The following C17orf113 variants were observed in gnomAD, a reference collection of about 807,000 sequenced individuals.
The protein encoded by C17orf113 is chromosome 17 open reading frame 113, also known as uncharacterized protein C17orf113.
In C17orf113, 5 loss-of-function variants were observed where a neutral mutation model predicts 11.6. The observed-to-expected ratio is 0.43, with a 90% CI of 0.23 to 0.91. The LOEUF is 0.91. Among genes scored for constraint, C17orf113 ranks in the 40% least tolerant of loss-of-function variants. C17orf113 has a pLI of 0.26. For missense variants in C17orf113, 714 were observed against 841.3 expected (o/e 0.85, Z 1.87); for synonymous variants, 327 against 390.6 (o/e 0.84, Z 1.92).
intron 2 of C17orf113, among the ~76,000 whole-genome samples, chr17:42,041,659 C>T (rs1279401614): frequency 6.6e-6 from 1 of 152,174 alleles, no homozygotes; most frequent in Non-Finnish European, 1.5e-5. Flanking sequence ...CACTGTCCAG[C>T]TCAGTGATTA....
intron 1 of C17orf113, among the ~76,000 whole-genome samples, chr17:42,049,877 C>G (rs1555656955): frequency 6.6e-6 from 1 of 152,246 alleles, no homozygotes; most frequent in East Asian, 1.9e-4. Context: ...TAGCATTCAG[C>G]TCACACTAGG....
rs912262205 is a variant in C17orf113, at chr17:42,040,702, A to C, written c.1031T>G (p.Ile344Ser). The C allele has an allele frequency of 3.4e-5, 42 of 1,232,172 alleles. No individual in the cohort carries two copies. Among genetic ancestry groups the C allele is most frequent in the Non-Finnish European group, 4.1e-5 (41 of 988,064 alleles). The allele number at this position is 1,232,172 out of a possible 1,614,324, so 76.3% of individuals were successfully genotyped here. A position where few individuals can be genotyped will look rare whatever the true frequency, so the allele number is the denominator to read the frequency against. ...ELRAALDLAA[I>S]DLAGPRPVPW... ...CACTGGCCGAGGCCCTGCCAAGTCA[A>C]TAGCTGCAAGGTCCAGTGCTGCCCG... The change falls in exon 3 of 3, where the codon ATT becomes AGT. Residue 344 changes from isoleucine to serine, a missense_variant. Physicochemically the swap from Ile to Ser is moderately radical, Grantham distance 142 (BLOSUM62 -2). This residue lies in a region of C17orf113 where 516 missense variants were observed against 626.6 expected (regional missense o/e 0.82). Transcript: ENST00000587304.
At chr17:42,047,267 C>T (rs974356222) in intron 1 of C17orf113, among the ~76,000 whole-genome samples, 16 of 152,048 alleles carry the variant, frequency 1.1e-4, no homozygotes, top group Admixed American at 3.3e-4. Flanking sequence ...CTCCTGACCT[C>T]GTGATCCGCC....
In C17orf113 at chr17:42,038,303, G is replaced by C; in HGVS notation, c.*1402C>G. The C allele has an allele frequency of 2.0e-6, 1 of 504,388 alleles. No homozygotes were observed. The allele number at this position is 504,388 out of a possible 1,614,324, so 31.2% of individuals were successfully genotyped here. ...GGGTATTAGGAAAAGGCTAGCCCTC[G>C]CCCCTCTCACTCTCTAACTATCCTC... On this transcript the variant is annotated 3_prime_UTR_variant, in exon 3 of 3. Coordinates refer to ENST00000587304, the MANE Select transcript of C17orf113 (RefSeq NM_001358661.2).
At position 42,039,691 on chromosome 17, in the gene C17orf113, G is replaced by A. The variant is rs930250498; in HGVS notation, c.*14C>T. 2 of 1,232,388 alleles carry A rather than the reference G, an allele frequency of 1.6e-6. No individual in the cohort carries two copies. The highest frequency in any genetic ancestry group is 2.0e-6 in the Non-Finnish European group (2 of 988,150). 76.3% of individuals were successfully genotyped at this position (1,232,388 alleles called of 1,614,324 possible). On this transcript the variant is annotated 3_prime_UTR_variant, in exon 3 of 3. Transcript: ENST00000587304. ...GGGCCCCAGGCTGGATGGGCCGAGGGAAGGAGGCCACCCTCAGGTGAGCTG... is the reference window on the plus strand; with the variant it reads ...GGGCCCCAGGCTGGATGGGCCGAGGAAAGGAGGCCACCCTCAGGTGAGCTG...
Position 42,041,582 on chromosome 17 carries a change from G to A in C17orf113, c.544-393C>T, listed in dbSNP as rs117608382. ...ATGAATCATAAAGAGCTCTAGGAAA[G>A]CTAGTTTTTTCACTGTGTTTTTCTA... On this transcript the variant is annotated intron_variant, in intron 2 of 2. Transcript: ENST00000587304. Among the ~76,000 whole-genome samples, 1,431 of 152,250 alleles carry A rather than the reference G, an allele frequency of 9.4e-3. 35 individuals are homozygous for A. The highest frequency in any genetic ancestry group is 0.055 in the East Asian group (286 of 5,188).
chr17:42,039,652 C>T lies in C17orf113; in HGVS notation c.*53G>A. Reference sequence around the variant, plus strand: ...GCAGCATGGTCAAGTCTAGGTTGGCCCTTACAGTGCCCAGGGCCCCAGGCT... The same window carrying T: ...GCAGCATGGTCAAGTCTAGGTTGGCTCTTACAGTGCCCAGGGCCCCAGGCT... On this transcript the variant is annotated 3_prime_UTR_variant, in exon 3 of 3. Coordinates refer to ENST00000587304, the MANE Select transcript of C17orf113 (RefSeq NM_001358661.2). 1 of 1,227,662 alleles carries T rather than the reference C, an allele frequency of 8.1e-7. No individual in the cohort carries two copies. Among genetic ancestry groups the T allele is most frequent in the Non-Finnish European group, 1.0e-6 (1 of 983,944 alleles). 76.0% of individuals were successfully genotyped at this position (1,227,662 alleles called of 1,614,324 possible).
In C17orf113 at chr17:42,043,091, G is replaced by C. The variant is rs868968905; in HGVS notation, c.286C>G (p.Pro96Ala). 190 of 1,232,254 alleles carry C rather than the reference G, an allele frequency of 1.5e-4. 1 individual carries two copies. In the African/African-American group the frequency reaches 2.8e-3, roughly 18 times the overall value. The allele number at this position is 1,232,254 out of a possible 1,614,324, so 76.3% of individuals were successfully genotyped here. ...CCTTCAGCCTGGCCCTCAAAAGGGG[G>C]CTGGCCCTGGTTGACAGCCAGAGCC... The part of the protein sequence containing the change: ...RQALAVNQGQ[P>A]PFEGQAEGGG... The change falls in exon 2 of 3, where the codon CCC (proline) becomes GCC (alanine). Residue 96 changes from proline (P) to alanine (A), a missense_variant. Pro to Ala is a conservative substitution (Grantham distance 27). Around this residue, in one of 3 missense-constraint regions of C17orf113, gnomAD observed 516 missense variants for 626.6 expected, o/e 0.82. Coordinates refer to ENST00000587304, the MANE Select transcript of C17orf113 (RefSeq NM_001358661.2).
Position 42,043,352 on chromosome 17 carries a change from C to A in C17orf113, c.25G>T (p.Ala9Ser). Residue 9 changes from alanine (A) to serine (S), a missense_variant, in exon 2 of 3, where the codon GCG (alanine) becomes TCG (serine). Physicochemically the swap from Ala to Ser is moderately conservative, Grantham distance 99. Around this residue, in one of 3 missense-constraint regions of C17orf113, gnomAD observed 516 missense variants for 626.6 expected, o/e 0.82. Transcript: ENST00000587304. ...TTGTTGGAGTTGGAGGCCTCTCCCG[C>A]TGGTTTCTTCCCTGGGGGCACCATT... MVPPGKKP[A>S]GEASNSNKKC... is the part of the protein sequence containing the mutation. The A allele has an allele frequency of 8.1e-7, 1 of 1,232,260 alleles. No individual in the cohort carries two copies. The highest frequency in any genetic ancestry group is 1.0e-6 in the Non-Finnish European group (1 of 988,022). The allele number at this position is 1,232,260 out of a possible 1,614,324, so 76.3% of individuals were successfully genotyped here.
Position 42,040,458 on chromosome 17 carries a change from C to T in C17orf113, c.1275G>A (p.Leu425=). Residue 425 remains leucine, a synonymous_variant, in exon 3 of 3, where the codon TTG becomes TTA. Coordinates refer to ENST00000587304, the MANE Select transcript of C17orf113 (RefSeq NM_001358661.2). Reference sequence around the variant, plus strand: ...CCATCACCAGAGGCTGCAGCAAGGCCAAGTCCGGCTCTTCTGCCTGCAGGA... The same window carrying T: ...CCATCACCAGAGGCTGCAGCAAGGCTAAGTCCGGCTCTTCTGCCTGCAGGA... ...SLVLQAEEPD[L]ALLQPLVMAA... is the part of the protein sequence containing the mutation. The T allele has an allele frequency of 8.1e-7, 1 of 1,232,184 alleles. No homozygotes were observed. Among genetic ancestry groups the T allele is most frequent in the Non-Finnish European group, 1.0e-6 (1 of 987,982 alleles). The allele number at this position is 1,232,184 out of a possible 1,614,324, so 76.3% of individuals were successfully genotyped here.
In C17orf113 at chr17:42,042,920, CGA is replaced by C; in HGVS notation, c.455_456del (p.Leu152ArgfsTer77). 8.1e-7 allele frequency: 1 copy of C among 1,232,408 alleles called. No individual in the cohort carries two copies. Among genetic ancestry groups the C allele is most frequent in the Non-Finnish European group, 1.0e-6 (1 of 988,156 alleles). The allele number at this position is 1,232,408 out of a possible 1,614,324, so 76.3% of individuals were successfully genotyped here. A position where few individuals can be genotyped will look rare whatever the true frequency, so the allele number is the denominator to read the frequency against. On this transcript the variant is annotated frameshift_variant, in exon 2 of 3. Transcript: ENST00000587304. LOFTEE classifies it high-confidence loss of function. Reference protein sequence around the residue: ...DVPNDRCSALLELQRFNLCQA... With the variant: ...DVPNDRCSALXELQRFNLCQA... ...TGGCACAGGTTGAACCTCTGCAGCT[CGA>C]GCAGGGCAGAGCAGCGGTCATTGGG...
At chr17:42,045,962 A>T (rs1332049914) in intron 1 of C17orf113, among the ~76,000 whole-genome samples, 1 of 152,086 alleles carries the variant, frequency 6.6e-6, no homozygotes, top group Non-Finnish European at 1.5e-5. Flanking sequence ...TTCCCAGTAG[A>T]CACCAAGCTG....
rs1331581752 is a variant in C17orf113, at chr17:42,039,751, A to G, written c.1982T>C (p.Leu661Ser). The G allele has an allele frequency of 2.4e-6, 3 of 1,232,298 alleles. No homozygotes were observed. Among genetic ancestry groups the G allele is most frequent in the African/African-American group, 3.1e-5 (2 of 64,430 alleles). 76.3% of individuals were successfully genotyped at this position (1,232,298 alleles called of 1,614,324 possible). A position where few individuals can be genotyped will look rare whatever the true frequency, so the allele number is the denominator to read the frequency against. ...EFDFGLAVEF[L>S]ESGWGEGFLG... ...GAAGCCCTCTCCCCACCCACTCTCT[A>G]AGAACTCCACAGCCAACCCGAAGTC... Residue 661 changes from leucine to serine, a missense_variant, in exon 3 of 3, where the codon TTA (leucine) becomes TCA (serine). Physicochemically the swap from Leu to Ser is moderately radical, Grantham distance 145 (BLOSUM62 -2). Coordinates refer to ENST00000587304, the MANE Select transcript of C17orf113 (RefSeq NM_001358661.2).
In C17orf113 at chr17:42,039,621, T is replaced by C. The variant is rs368331216; in HGVS notation, c.*84A>G. The stretch of plus-strand genomic sequence containing the variant: ...GGGAGGCTGCAGTCAGCAGATCATC[T>C]TGGGTGCAGCATGGTCAAGTCTAGG... On this transcript the variant is annotated 3_prime_UTR_variant, in exon 3 of 3. Coordinates refer to ENST00000587304, the MANE Select transcript of C17orf113 (RefSeq NM_001358661.2). The C allele has an allele frequency of 5.8e-5, 68 of 1,173,036 alleles. No individual in the cohort carries two copies. The African/African-American group carries it at 8.8e-4, about 15-fold the overall frequency. 72.7% of individuals were successfully genotyped at this position (1,173,036 alleles called of 1,614,324 possible). A position where few individuals can be genotyped will look rare whatever the true frequency, so the allele number is the denominator to read the frequency against.
chr17:42,050,110 T>TG lies in C17orf113; in HGVS notation c.-188+446dup, dbSNP rs1404992021. 6.6e-6 allele frequency among the ~76,000 whole-genome samples: 1 copy of TG among 152,206 alleles called. No individual in the cohort carries two copies. Among genetic ancestry groups the TG allele is most frequent in the Non-Finnish European group, 1.5e-5 (1 of 68,030 alleles). ...CCAAGGCTGACCAGGAGGGCACACT[T>TG]GCTGCAGACACAGGTCTCCTCTCAT... On this transcript the variant is annotated intron_variant, in intron 1 of 2. Transcript: ENST00000587304. The surrounding 1 kb of genome is among the most constrained non-coding windows in gnomAD (Gnocchi z 5.6).
Position 42,041,170 on chromosome 17 carries a change from A to C in C17orf113, c.563T>G (p.Leu188Trp), listed in dbSNP as rs1555656100. The change falls in exon 3 of 3, where the codon TTG (leucine) becomes TGG (tryptophan). Residue 188 changes from leucine (L) to tryptophan (W), a missense_variant. Physicochemically the swap from Leu to Trp is moderately conservative, Grantham distance 61. Coordinates refer to ENST00000587304, the MANE Select transcript of C17orf113 (RefSeq NM_001358661.2). ...RDMQVAIASV[L>W]HTEACQRLKA... ...CAGGCGCTGGCAGGCCTCTGTGTGCAAGACACTGGCAATGGCCACCTGGGA... is the reference window on the plus strand; with the variant it reads ...CAGGCGCTGGCAGGCCTCTGTGTGCCAGACACTGGCAATGGCCACCTGGGA... 1 of 1,232,364 alleles carries C rather than the reference A, an allele frequency of 8.1e-7. No individual in the cohort carries two copies. Among genetic ancestry groups the C allele is most frequent in the African/African-American group, 1.6e-5 (1 of 64,444 alleles). The allele number at this position is 1,232,364 out of a possible 1,614,324, so 76.3% of individuals were successfully genotyped here.
intron 1 of C17orf113, among the ~76,000 whole-genome samples, chr17:42,045,934 C>T (rs532565551): frequency 7.2e-5 from 11 of 152,350 alleles, no homozygotes; most frequent in Admixed American, 2.6e-4. Context: ...TCTGCCCAAT[C>T]AATCCTGAAG....
At position 42,039,882 on chromosome 17, in the gene C17orf113, G is replaced by A. The variant is rs2052966777; in HGVS notation, c.1851C>T (p.Val617=). ...LPAGAGLLDK[V]GRSRELRWWG... is the part of the protein sequence containing the mutation. ...ACCACCGCAGCTCCCGGCTGCGGCC[G>A]ACCTTGTCCAGCAGGCCAGCGCCCG... The change falls in exon 3 of 3, where the codon GTC becomes GTT. Residue 617 remains valine, a synonymous_variant. Coordinates refer to ENST00000587304, the MANE Select transcript of C17orf113 (RefSeq NM_001358661.2). 8 of 1,231,448 alleles carry A rather than the reference G, an allele frequency of 6.5e-6. No individual in the cohort carries two copies. In the East Asian group the frequency reaches 9.5e-5, roughly 15 times the overall value. The allele number at this position is 1,231,448 out of a possible 1,614,324, so 76.3% of individuals were successfully genotyped here.
rs548230690 is a variant in C17orf113 at position 42,048,331 on chromosome 17, G to A, written c.-188+2226C>T. ...AGGTGGGAGGACTGCTTGAGCCCATGAGTTTGAGACCAGCCTGGGCAACAT... is the reference window on the plus strand; with the variant it reads ...AGGTGGGAGGACTGCTTGAGCCCATAAGTTTGAGACCAGCCTGGGCAACAT... On this transcript the variant is annotated intron_variant, in intron 1 of 2. Transcript: ENST00000587304. Among the ~76,000 whole-genome samples the A allele has an allele frequency of 4.1e-5, 6 of 147,976 alleles. No homozygotes were observed. In the South Asian group the frequency reaches 1.3e-3, roughly 32 times the overall value.
Sources: allele counts gnomAD v4.1 joint callset (sites outside exome capture counted in the v4.1 genomes callset), GRCh38; gene constraint gnomAD v4.1.1; regional missense constraint gnomAD v4.1.1; non-coding constraint Gnocchi (gnomAD v3.1); transcripts MANE v1.5; gene names NCBI Gene and HGNC (gene_info 2026-07-23, HGNC 2026-07-21).